Variants in TERB2 observed in about 807,000 individuals in gnomAD.
TERB2 encodes telomere repeat binding bouquet formation protein 2.
In TERB2, 26 loss-of-function variants were observed where a neutral mutation model predicts 29.8. The ratio of observed to expected loss-of-function variants is 0.87; its 90% CI spans 0.64 to 1.21. The LOEUF (loss-of-function observed/expected upper bound fraction) is 1.21. Ranked by LOEUF, TERB2 falls within the 50% of genes most tolerant of loss-of-function variation. TERB2 has a pLI of 0.00. For synonymous variants in TERB2, 80 were observed against 90.8 expected, an observed-to-expected ratio of 0.88 and a Z score of 0.68; for missense variants, 240 against 268.6, an observed-to-expected ratio of 0.89 and a Z score of 0.74.
chr15:44,971,315 C>CT (rs1891964359), intron 5 of TERB2: 1 of 152,226 alleles, frequency 6.6e-6, no homozygotes, highest in African/African-American at 2.4e-5. Context: ...AGCAGCCACT[C>CT]TGAGTTATTG....
At chr15:44,974,062 C>G in intron 6 of TERB2, 107 bp downstream of exon 6, 2 of 1,133,650 alleles carry the variant, frequency 1.8e-6, no homozygotes, top group Non-Finnish European at 2.2e-6. Flanking sequence ...AGAGCCTTCT[C>G]TAGTAAGCCT....
chr15:44,974,745 A>G (rs1366106116), intron 6 of TERB2, among the ~76,000 whole-genome samples: 1 of 152,230 alleles, frequency 6.6e-6, no homozygotes, highest in African/African-American at 2.4e-5. Context: ...AGCAATTTTT[A>G]AAGTATGGGT....
rs370778007 is a variant in TERB2, at chr15:44,961,616, C to G, written c.348+32C>G. ...GTAAATTAAGGTACTTGATTAGCAT[C>G]TACAGCTTCAACATTTTCTGAAAGC... On this transcript the variant is annotated intron_variant, in intron 4 of 6. Coordinates refer to ENST00000340827, the MANE Select transcript of TERB2 (RefSeq NM_152448.3). 2.7e-5 allele frequency: 39 copies of G among 1,442,782 alleles called. No homozygotes were observed. In the African/African-American group the frequency reaches 5.2e-4, roughly 19 times the overall value. 89.4% of individuals were successfully genotyped at this position (1,442,782 alleles called of 1,614,324 possible). A position where few individuals can be genotyped will look rare whatever the true frequency, so the allele number is the denominator to read the frequency against.
chr15:44,976,067 T>G (rs1293573685), intron 6 of TERB2: 1 of 152,170 alleles, frequency 6.6e-6, no homozygotes, highest in South Asian at 2.1e-4. Flanking sequence ...CATTTATTTA[T>G]TTATTTATTA....
chr15:44,972,270 C>T (rs965675317), intron 5 of TERB2, among the ~76,000 whole-genome samples: 11 of 151,868 alleles, frequency 7.2e-5, no homozygotes, highest in Admixed American at 2.6e-4. Context: ...GGATTACAGG[C>T]GTGAGCTACT....
intron 4 of TERB2, among the ~76,000 whole-genome samples, 182 bp from the exon 5 acceptor site, chr15:44,965,976 G>T (rs576454561): frequency 6.6e-6 from 1 of 152,124 alleles, no homozygotes; most frequent in East Asian, 1.9e-4. Flanking sequence ...AATTATATGT[G>T]TGTGTGGAAA....
At chr15:44,978,095 G>C (rs1046589806) in intron 6 of TERB2, among the ~76,000 whole-genome samples, 3 of 152,164 alleles carry the variant, frequency 2.0e-5, no homozygotes, top group African/African-American at 7.2e-5. Context: ...TGCTGGAACA[G>C]GGAAGATGAA....
At position 44,978,709 on chromosome 15, in the gene TERB2, G is replaced by T. The variant is rs1892081605; in HGVS notation, c.*81G>T. On this transcript the variant is annotated 3_prime_UTR_variant, in exon 7 of 7. Coordinates refer to ENST00000340827, the MANE Select transcript of TERB2 (RefSeq NM_152448.3). ...TGCATATCATAAAATGCTCCCTTTT[G>T]GTACTGGGGGATAGTGAAATGGGAA... The T allele has an allele frequency of 2.2e-6, 3 of 1,350,044 alleles. No individual in the cohort carries two copies. The highest frequency in any genetic ancestry group is 2.9e-6 in the Non-Finnish European group (3 of 1,037,278). The allele number at this position is 1,350,044 out of a possible 1,614,324, so 83.6% of individuals were successfully genotyped here. A position where few individuals can be genotyped will look rare whatever the true frequency, so the allele number is the denominator to read the frequency against.
In TERB2 at chr15:44,978,550, A is replaced by G. The variant is rs1200476850; in HGVS notation, c.585A>G (p.Gly195=). The G allele has an allele frequency of 6.2e-7, 1 of 1,610,834 alleles. No homozygotes were observed. Among genetic ancestry groups the G allele is most frequent in the Non-Finnish European group, 8.5e-7 (1 of 1,178,330 alleles). Residue 195 remains glycine (G), a synonymous_variant, in exon 7 of 7, where the codon GGA becomes GGG. Coordinates refer to ENST00000340827, the MANE Select transcript of TERB2 (RefSeq NM_152448.3). ...FLGELHDFIP[G]TSGYLAYHVQ... is the part of the protein sequence containing the mutation. ...GGGAGCTACATGACTTCATTCCTGG[A>G]ACCTCAGGATATTTGGCATATCATG...
chr15:44,960,395 T>G (rs1891782386), intron 3 of TERB2, among the ~76,000 whole-genome samples: 1 of 152,156 alleles, frequency 6.6e-6, no homozygotes, highest in South Asian at 2.1e-4. Context: ...TCCCAGCTAC[T>G]CTAGAGGCTG....
intron 4 of TERB2, among the ~76,000 whole-genome samples, chr15:44,964,368 G>C (rs1891852802): frequency 1.3e-5 from 2 of 151,896 alleles, no homozygotes; most frequent in Admixed American, 1.3e-4. Context: ...GGAGGTAATA[G>C]TATGTTGTAC....
At chr15:44,971,427 T>C (rs1333631991) in intron 5 of TERB2, among the ~76,000 whole-genome samples, 1 of 152,224 alleles carries the variant, frequency 6.6e-6, no homozygotes, top group East Asian at 1.9e-4. Flanking sequence ...CTCTCTTGGC[T>C]CTTCAGGGTG....
chr15:44,971,885 G>T (rs1347155226), intron 5 of TERB2, among the ~76,000 whole-genome samples: 1 of 150,280 alleles, frequency 6.7e-6, no homozygotes, highest in African/African-American at 2.5e-5. Flanking sequence ...ATAGTGGGTG[G>T]TCCCTGACTT....
At chr15:44,958,123 G>A (rs1475672223) in intron 2 of TERB2, among the ~76,000 whole-genome samples, 2 of 152,062 alleles carry the variant, frequency 1.3e-5, no homozygotes, top group Admixed American at 6.6e-5. Flanking sequence ...GAACACGACC[G>A]TTTTAGATCA....
chr15:44,974,661 C>G lies in TERB2; in HGVS notation c.523+706C>G, dbSNP rs549867162. 3.2e-4 allele frequency among the ~76,000 whole-genome samples: 48 copies of G among 152,248 alleles called. No individual in the cohort carries two copies. In the South Asian group the frequency reaches 9.9e-3, roughly 32 times the overall value. ...GAGATGGATATTTAGATACTTTGAT[C>G]TGAGTAGTATTCAGTGGAGTCACTG... is the stretch of plus-strand genomic sequence containing the variant. On this transcript the variant is annotated intron_variant, in intron 6 of 6. Coordinates refer to ENST00000340827, the MANE Select transcript of TERB2 (RefSeq NM_152448.3).
chr15:44,975,787 T>C (rs992831586), intron 6 of TERB2, among the ~76,000 whole-genome samples: 2 of 152,186 alleles, frequency 1.3e-5, no homozygotes, highest in African/African-American at 4.8e-5. Flanking sequence ...AGAGTTTTTG[T>C]TTTGCTTTCA....
At chr15:44,966,943 T>C (rs748640726) in intron 5 of TERB2, among the ~76,000 whole-genome samples, 27 of 152,128 alleles carry the variant, frequency 1.8e-4, no homozygotes, top group Non-Finnish European at 2.4e-4. Context: ...TATAAAAAAT[T>C]TAAAATACTA....
At chr15:44,974,629 G>A (rs1892017360) in intron 6 of TERB2, among the ~76,000 whole-genome samples, 1 of 152,130 alleles carries the variant, frequency 6.6e-6, no homozygotes, top group Non-Finnish European at 1.5e-5. Context: ...TTTCAACTGT[G>A]TTGAGTGAGA....
Position 44,961,980 on chromosome 15 carries a change from G to A in TERB2, c.348+396G>A, listed in dbSNP as rs529463114. Reference sequence around the variant, plus strand: ...CTCCCGAAGTGCTGGGATTACAGGCGTGAGCCACTGTGCCCAGCACAGATT... The same window carrying A: ...CTCCCGAAGTGCTGGGATTACAGGCATGAGCCACTGTGCCCAGCACAGATT... On this transcript the variant is annotated intron_variant, in intron 4 of 6. Coordinates refer to ENST00000340827, the MANE Select transcript of TERB2 (RefSeq NM_152448.3). 5.3e-5 allele frequency among the ~76,000 whole-genome samples: 8 copies of A among 152,284 alleles called. No homozygotes were observed. The South Asian group carries it at 1.7e-3, about 32-fold the overall frequency.
Sources: allele counts gnomAD v4.1 joint callset (sites outside exome capture counted in the v4.1 genomes callset), GRCh38; gene constraint gnomAD v4.1.1; transcripts MANE v1.5; gene names NCBI Gene and HGNC (gene_info 2026-07-23, HGNC 2026-07-21).